HSD17B11: variants seen among roughly 807,000 people sequenced by gnomAD.
HSD17B11 encodes the protein hydroxysteroid 17-beta dehydrogenase 11.
Under a neutral mutation model 27.8 loss-of-function variants are expected in HSD17B11, and 22 were observed. The observed-to-expected ratio is 0.79, with a 90% CI of 0.56 to 1.13. The LOEUF is 1.13. HSD17B11 is among the 50% of genes most tolerant of loss of function. HSD17B11 has a pLI of 0.00. For synonymous variants in HSD17B11, 117 were observed against 132.8 expected (o/e 0.88, Z 0.82); for missense variants, 314 against 351.1 (o/e 0.89, Z 0.84).
chr4:87,355,715 C>A (rs919273573), intron 5 of HSD17B11, among the ~76,000 whole-genome samples: 5 of 152,072 alleles, frequency 3.3e-5, no homozygotes, highest in African/African-American at 1.2e-4. Context: ...AACAGCCTGG[C>A]CAACGTGGCG....
At chr4:87,375,135 G>C (rs1735794720) in intron 2 of HSD17B11, among the ~76,000 whole-genome samples, 1 of 152,138 alleles carries the variant, frequency 6.6e-6, no homozygotes, top group Non-Finnish European at 1.5e-5. Context: ...CTGATCTCAA[G>C]TGATCTGCCC....
chr4:87,372,381 ATAAT>A (rs1167734787), intron 4 of HSD17B11, among the ~76,000 whole-genome samples: 3 of 152,014 alleles, frequency 2.0e-5, no homozygotes, highest in African/African-American at 4.8e-5. Context: ...ACAAATGTTA[ATAAT>A]TAATACTAAT....
intron 6 of HSD17B11, 179 bp downstream of exon 6, chr4:87,340,311 G>A (rs939546448): frequency 3.5e-5 from 13 of 374,092 alleles, no homozygotes; most frequent in Admixed American, 3.1e-4. Context: ...GAAATTACTC[G>A]GTTCATTTAC....
At chr4:87,370,850 T>G (rs1344407936) in intron 4 of HSD17B11, among the ~76,000 whole-genome samples, 2 of 118,458 alleles carry the variant, frequency 1.7e-5, no homozygotes, top group Non-Finnish European at 3.4e-5. Flanking sequence ...CCTCCCGGGT[T>G]CACGCCATTC....
chr4:87,343,110 G>A (rs1207760431), intron 5 of HSD17B11, among the ~76,000 whole-genome samples: 1 of 152,160 alleles, frequency 6.6e-6, no homozygotes, highest in Admixed American at 6.5e-5. Context: ...AAGCGGTGCT[G>A]CATTCACCAA....
chr4:87,390,263 TCTC>T (rs368930511), intron 1 of HSD17B11, among the ~76,000 whole-genome samples: 85 of 152,122 alleles, frequency 5.6e-4, no homozygotes, highest in African/African-American at 2.0e-3. Flanking sequence ...TTCCCGCCAT[TCTC>T]CTGCCTCAGC....
At chr4:87,374,582 C>A in intron 3 of HSD17B11, 117 bp downstream of exon 3, 1 of 914,946 alleles carries the variant, frequency 1.1e-6, no homozygotes, top group Non-Finnish European at 1.7e-6. Flanking sequence ...AATGTTATCC[C>A]TGGTGCCTGG....
At position 87,378,578 on chromosome 4, in the gene HSD17B11, G is replaced by GCAGA. The variant is rs1405458473; in HGVS notation, c.318+3673_318+3676dup. 7.3e-5 allele frequency among the ~76,000 whole-genome samples: 11 copies of GCAGA among 150,344 alleles called. No homozygotes were observed. In the East Asian group the frequency reaches 2.2e-3, roughly 30 times the overall value. On this transcript the variant is annotated intron_variant, in intron 2 of 6. Coordinates refer to ENST00000358290, the MANE Select transcript of HSD17B11 (RefSeq NM_016245.5). ...AAAAAATTCTTTATGGCTGCTCCTTGCAGAGCAGGGCTAACTCACAGGCAG... is the reference window on the plus strand; with the variant it reads ...AAAAAATTCTTTATGGCTGCTCCTTGCAGACAGAGCAGGGCTAACTCACAGGCAG...
chr4:87,346,962 T>C (rs1287282094), intron 5 of HSD17B11, among the ~76,000 whole-genome samples: 1 of 151,870 alleles, frequency 6.6e-6, no homozygotes, highest in Non-Finnish European at 1.5e-5. Context: ...AAAAAATAAT[T>C]GGAACACCTG....
At chr4:87,380,726 C>T (rs1480508976) in intron 2 of HSD17B11, among the ~76,000 whole-genome samples, 4 of 151,348 alleles carry the variant, frequency 2.6e-5, no homozygotes, top group South Asian at 2.1e-4. Flanking sequence ...AGCGTGGTGA[C>T]GGGCGCCTGT....
At chr4:87,376,768 T>C (rs1479880045) in intron 2 of HSD17B11, among the ~76,000 whole-genome samples, 2 of 152,062 alleles carry the variant, frequency 1.3e-5, no homozygotes, top group Admixed American at 1.3e-4. Context: ...TGATTTCAGT[T>C]GAGGAAATAT....
intron 2 of HSD17B11, among the ~76,000 whole-genome samples, chr4:87,375,666 G>A (rs760070870): frequency 4.6e-5 from 7 of 152,132 alleles, no homozygotes; most frequent in African/African-American, 7.2e-5. Context: ...GCTTGAACCC[G>A]AGAGGCGGAA....
chr4:87,354,642 C>CAAA (rs1255125895), intron 5 of HSD17B11, among the ~76,000 whole-genome samples: 2 of 121,436 alleles, frequency 1.6e-5, no homozygotes, highest in Non-Finnish European at 1.8e-5. Flanking sequence ...ATCCTTGTCT[C>CAAA]AAAAAAAATA....
At chr4:87,378,829 T>A (rs1375364676) in intron 2 of HSD17B11, among the ~76,000 whole-genome samples, 1 of 26,316 alleles carries the variant, frequency 3.8e-5, no homozygotes, top group African/African-American at 2.5e-4. Context: ...AATATATATA[T>A]AAATATATAT....
In HSD17B11 at chr4:87,380,863, C is replaced by CA. The variant is rs561938045; in HGVS notation, c.318+1391dup. Among the ~76,000 whole-genome samples, 284 of 74,710 alleles carry CA rather than the reference C, an allele frequency of 3.8e-3. 5 individuals carry two copies. Among genetic ancestry groups the CA allele is most frequent in the East Asian group, 0.014 (18 of 1,304 alleles). 49.0% of individuals were successfully genotyped at this position (74,710 alleles called of 152,430 possible). ...ACAAAGCTAGAGCTAGACTCTATCT[C>CA]AAAAAAAAAAAAAAAAAAAAAAAAA... On this transcript the variant is annotated intron_variant, in intron 2 of 6. Transcript: ENST00000358290.
chr4:87,355,553 T>C (rs35699282), intron 5 of HSD17B11, among the ~76,000 whole-genome samples: 10,310 of 151,942 alleles, frequency 0.068, 632 homozygotes, highest in East Asian at 0.32. Context: ...ACAGATGTGA[T>C]ATATAAAGGG....
intron 2 of HSD17B11, among the ~76,000 whole-genome samples, chr4:87,375,270 GA>G (rs1223259580): frequency 6.6e-6 from 1 of 151,932 alleles, no homozygotes; most frequent in African/African-American, 2.4e-5. Context: ...GTCAACAGGG[GA>G]AAAAAATCCT....
At chr4:87,365,346 G>T (rs1263517754) in intron 4 of HSD17B11, among the ~76,000 whole-genome samples, 1 of 152,090 alleles carries the variant, frequency 6.6e-6, no homozygotes, top group East Asian at 1.9e-4. Flanking sequence ...GTAATCTTTT[G>T]AAAATAAAGA....
At chr4:87,368,760 CGA>C (rs907197209) in intron 4 of HSD17B11, among the ~76,000 whole-genome samples, 3 of 152,150 alleles carry the variant, frequency 2.0e-5, no homozygotes, top group African/African-American at 7.2e-5. Context: ...AAAATGGCCA[CGA>C]GAGTGACCTC....
Sources: gnomAD v4.1 joint callset for allele counts (sites outside exome capture counted in the v4.1 genomes callset) on GRCh38, gnomAD v4.1.1 for gene constraint, MANE v1.5 for transcripts, NCBI Gene and HGNC (gene_info 2026-07-23, HGNC 2026-07-21) for gene names.